Variants in ULK4 observed in about 807,000 individuals in gnomAD.
ULK4 encodes the protein inactive serine/threonine-protein kinase ULK4.
In ULK4, 133 loss-of-function variants were observed where a neutral mutation model predicts 160.6. That is an observed-to-expected ratio of 0.83 (90% CI 0.72 to 0.96). The LOEUF (loss-of-function observed/expected upper bound fraction) is 0.96. Ranked by LOEUF, ULK4 falls within the 40% of genes least tolerant of loss-of-function variation. The pLI, the probability that ULK4 is intolerant of heterozygous loss-of-function variation, is 0.00. For missense variants in ULK4, 1,580 were observed against 1,499.5 expected (o/e 1.05, Z -0.89); for synonymous variants, 534 against 539.8 (o/e 0.99, Z 0.15).
At chr3:41,935,016 A>ATT (rs1699715544) in intron 4 of ULK4, among the ~76,000 whole-genome samples, 3 of 74,242 alleles carry the variant, frequency 4.0e-5, no homozygotes, top group South Asian at 6.0e-4. Context: ...TTTATTTATT[A>ATT]ATTTTTTTTT....
At chr3:41,280,990 C>T (rs904707640) in intron 35 of ULK4, among the ~76,000 whole-genome samples, 1 of 152,138 alleles carries the variant, frequency 6.6e-6, no homozygotes, top group African/African-American at 2.4e-5. Flanking sequence ...ACCTATCCCA[C>T]AAAAATACAA....
chr3:41,879,874 T>C (rs1697446523), intron 17 of ULK4, among the ~76,000 whole-genome samples: 1 of 152,126 alleles, frequency 6.6e-6, no homozygotes. Flanking sequence ...CCCAGCACTT[T>C]GGGAGGCTGA....
chr3:41,387,823 T>G (rs1331965511), intron 35 of ULK4, among the ~76,000 whole-genome samples: 1 of 152,128 alleles, frequency 6.6e-6, no homozygotes, highest in Non-Finnish European at 1.5e-5. Flanking sequence ...GAATAGTGCC[T>G]CAGTAAACGT....
intron 31 of ULK4, among the ~76,000 whole-genome samples, chr3:41,570,590 A>T (rs2087938170): frequency 6.6e-6 from 1 of 152,250 alleles, no homozygotes; most frequent in African/African-American, 2.4e-5. Flanking sequence ...AATATAGGTC[A>T]GTCTTACTAG....
chr3:41,771,320 T>C (rs1185135071), intron 21 of ULK4, among the ~76,000 whole-genome samples: 1 of 152,206 alleles, frequency 6.6e-6, no homozygotes, highest in Non-Finnish European at 1.5e-5. Flanking sequence ...TGGAACTTTC[T>C]GTAAACTTTC....
At chr3:41,843,175 CAGCCACCAAATA>C (rs2041977426) in intron 17 of ULK4, among the ~76,000 whole-genome samples, 1 of 152,142 alleles carries the variant, frequency 6.6e-6, no homozygotes, top group African/African-American at 2.4e-5. Flanking sequence ...AGAGAATATG[CAGCCACCAAATA>C]AGCACATAAA....
At chr3:41,699,968 T>C (rs952532349) in intron 27 of ULK4, among the ~76,000 whole-genome samples, 2 of 152,198 alleles carry the variant, frequency 1.3e-5, no homozygotes, top group African/African-American at 4.8e-5. Flanking sequence ...TACTGGATCT[T>C]AACAAATTAA....
At chr3:41,579,379 C>T (rs572567201) in intron 31 of ULK4, among the ~76,000 whole-genome samples, 1 of 152,034 alleles carries the variant, frequency 6.6e-6, no homozygotes, top group African/African-American at 2.4e-5. Flanking sequence ...ATGAAGAAAA[C>T]TGAGTCCAAT....
chr3:41,754,975 A>G, intron 21 of ULK4, among the ~76,000 whole-genome samples: 1 of 152,238 alleles, frequency 6.6e-6, no homozygotes, highest in East Asian at 1.9e-4. Flanking sequence ...TACATGACAC[A>G]AAGAAACGTA....
intron 35 of ULK4, among the ~76,000 whole-genome samples, chr3:41,303,777 G>C (rs1188412479): frequency 2.6e-5 from 4 of 152,104 alleles, no homozygotes; most frequent in Non-Finnish European, 4.4e-5. Flanking sequence ...TGTGCTGGGA[G>C]GTAAGCTGTG....
chr3:41,615,149 T>G (rs745561084), intron 31 of ULK4, among the ~76,000 whole-genome samples: 22 of 152,200 alleles, frequency 1.4e-4, no homozygotes, highest in Non-Finnish European at 2.9e-4. Context: ...GAGGAAAGAT[T>G]TTCTTTAACA....
chr3:41,247,141 C>T, intron 36 of ULK4, 149 bp from the exon 37 acceptor site: 1 of 794,256 alleles, frequency 1.3e-6, no homozygotes, highest in Non-Finnish European at 2.1e-6. Context: ...GAAATCCTGG[C>T]CCACAGTCCT....
chr3:41,900,608 A>G, intron 13 of ULK4, 117 bp downstream of exon 13: 1 of 839,110 alleles, frequency 1.2e-6, no homozygotes, highest in East Asian at 2.7e-5. Flanking sequence ...ATGACACAGA[A>G]GCAGACAAGA....
chr3:41,789,914 A>AGAAGCATG, intron 20 of ULK4, 71 bp from the exon 21 acceptor site: 1 of 1,347,020 alleles, frequency 7.4e-7, no homozygotes, highest in Non-Finnish European at 9.8e-7. Context: ...AAGGTAACAC[A>AGAAGCATG]TGCTTCTGTG....
chr3:41,412,383 T>C (rs1002903361), intron 34 of ULK4, among the ~76,000 whole-genome samples: 1 of 146,442 alleles, frequency 6.8e-6, no homozygotes, highest in Non-Finnish European at 1.5e-5. Context: ...ACAATCTCAA[T>C]ACAAAATCCC....
intron 32 of ULK4, among the ~76,000 whole-genome samples, chr3:41,534,022 T>C (rs998137709): frequency 2.0e-5 from 3 of 152,158 alleles, no homozygotes; most frequent in African/African-American, 7.2e-5. Flanking sequence ...TTAGCCAAGA[T>C]GGTCTCGATC....
chr3:41,832,385 T>C (rs534662211), intron 18 of ULK4, among the ~76,000 whole-genome samples: 3 of 152,262 alleles, frequency 2.0e-5, no homozygotes, highest in African/African-American at 7.2e-5. Flanking sequence ...TTTTTATGGG[T>C]TGTTTGCTTT....
intron 30 of ULK4, among the ~76,000 whole-genome samples, chr3:41,638,971 A>C (rs1364817723): frequency 1.3e-5 from 2 of 152,222 alleles, no homozygotes; most frequent in Admixed American, 6.5e-5. Context: ...TAAAATGGTA[A>C]ATGACCTTGG....
At chr3:41,904,604 CATTG>C (rs1340610090) in intron 12 of ULK4, among the ~76,000 whole-genome samples, 2 of 152,098 alleles carry the variant, frequency 1.3e-5, no homozygotes, top group African/African-American at 4.8e-5. Flanking sequence ...TTTTAATTTA[CATTG>C]ATTTTCTATT....
Sources: gnomAD v4.1 joint callset for allele counts (sites outside exome capture counted in the v4.1 genomes callset) on GRCh38, gnomAD v4.1.1 for gene constraint, MANE v1.5 for transcripts, NCBI Gene and HGNC (gene_info 2026-07-23, HGNC 2026-07-21) for gene names.